Variants in CYP4F2 observed in about 807,000 individuals in gnomAD.
The protein encoded by CYP4F2 is cytochrome P450 4F2.
CYP4F2 carries 58 observed loss-of-function variants against 58.9 expected under a neutral mutation model. The ratio of observed to expected loss-of-function variants is 0.98; its 90% CI spans 0.80 to 1.23. The LOEUF is 1.23. CYP4F2 is among the 50% of genes most tolerant of loss of function. The pLI is 0.00. For missense variants in CYP4F2, 616 were observed against 685.6 expected (o/e 0.90, Z 1.13); for synonymous variants, 287 against 261.1 (o/e 1.10, Z -0.95).
At chr19:15,890,246 C>A in intron 6 of CYP4F2, 66 bp downstream of exon 6, 4 of 1,611,324 alleles carry the variant, frequency 2.5e-6, no homozygotes, top group Non-Finnish European at 3.4e-6. Flanking sequence ...CTGCTTAGTC[C>A]TCCCTCTCCC....
chr19:15,886,808 T>C (rs909040815), intron 7 of CYP4F2, among the ~76,000 whole-genome samples: 7 of 152,218 alleles, frequency 4.6e-5, no homozygotes, highest in African/African-American at 1.7e-4. Context: ...GCTACCATTC[T>C]CACTCAATCT....
intron 5 of CYP4F2, 79 bp downstream of exon 5, chr19:15,892,230 G>A (rs1283697196): frequency 1.3e-6 from 2 of 1,591,950 alleles, no homozygotes; most frequent in Admixed American, 1.7e-5. Flanking sequence ...ACCCAGCAGA[G>A]CCAAAACTCC....
intron 3 of CYP4F2, chr19:15,893,767 T>C (rs974864961): frequency 4.2e-6 from 1 of 240,268 alleles, no homozygotes; most frequent in Non-Finnish European, 9.3e-6. Context: ...TTGATGCACG[T>C]GGGGAGAAAG....
At chr19:15,894,485 G>A (rs1250601365) in intron 3 of CYP4F2, among the ~76,000 whole-genome samples, 1 of 152,188 alleles carries the variant, frequency 6.6e-6, no homozygotes, top group Non-Finnish European at 1.5e-5. Flanking sequence ...GATAGGAAAA[G>A]CGACATGGAG....
Position 15,892,597 on chromosome 19 carries a change from G to A in CYP4F2, c.344-15C>T. 6.2e-7 allele frequency: 1 copy of A among 1,612,486 alleles called. No homozygotes were observed. The highest frequency in any genetic ancestry group is 1.1e-5 in the South Asian group (1 of 90,740). The stretch of plus-strand genomic sequence containing the variant: ...TGCAATGGCAGCTGACATAAATGAG[G>A]ACAATCAGGGGCCATGGAGGCAGGT... On this transcript the variant is annotated splice_polypyrimidine_tract_variant and intron_variant, in intron 3 of 12. Coordinates refer to ENST00000221700, the MANE Select transcript of CYP4F2 (RefSeq NM_001082.5).
rs1391322305 is a variant in CYP4F2, at chr19:15,886,148, G to A, written c.985+94C>T. 3.1e-6 allele frequency: 5 copies of A among 1,606,370 alleles called. No individual in the cohort carries two copies. In the African/African-American group the frequency reaches 6.7e-5, roughly 21 times the overall value. Reference sequence around the variant, plus strand: ...ATTGAGGGCCTCAGGGAGGATGGGGGAAGGGGGATGGGAAGGTTGTGGGGG... The same window carrying A: ...ATTGAGGGCCTCAGGGAGGATGGGGAAAGGGGGATGGGAAGGTTGTGGGGG... On this transcript the variant is annotated intron_variant, in intron 8 of 12. Transcript: ENST00000221700.
chr19:15,889,759 A>G, intron 6 of CYP4F2, 66 bp from the exon 7 acceptor site: 26 of 1,583,310 alleles, frequency 1.6e-5, no homozygotes, highest in Non-Finnish European at 2.1e-5. Context: ...ATCACCTCCC[A>G]CCAGCAGCCA....
chr19:15,884,388 G>T (rs2089363156), intron 9 of CYP4F2, among the ~76,000 whole-genome samples: 1 of 152,194 alleles, frequency 6.6e-6, no homozygotes, highest in African/African-American at 2.4e-5. Flanking sequence ...TAAGAGGTTT[G>T]ATAGGAGAAA....
chr19:15,890,971 T>A (rs1046368734), intron 5 of CYP4F2, among the ~76,000 whole-genome samples: 2 of 152,192 alleles, frequency 1.3e-5, no homozygotes, highest in African/African-American at 4.8e-5. Flanking sequence ...TGGCATATGG[T>A]ATGTGATCAA....
At position 15,889,470 on chromosome 19, in the gene CYP4F2, C is replaced by T. The variant is rs1337112263; in HGVS notation, c.871G>A (p.Ala291Thr). Residue 291 changes from alanine to threonine, a missense_variant, in exon 7 of 13, where the codon GCC becomes ACC. Ala to Thr is a moderately conservative substitution (Grantham distance 58, BLOSUM62 0). Coordinates refer to ENST00000221700, the MANE Select transcript of CYP4F2 (RefSeq NM_001082.5). Reference protein sequence around the residue: ...QGVDDFLQAKAKSKTLDFIDV... With the variant: ...QGVDDFLQAKTKSKTLDFIDV... The stretch of plus-strand genomic sequence containing the variant: ...ATGAAGTCCAAAGTCTTGGATTTGG[C>T]CTTGGCTTGGAGGAAGTCATCAACA... The T allele has an allele frequency of 2.5e-6, 4 of 1,614,146 alleles. No homozygotes were observed. The East Asian group carries it at 6.7e-5, about 27-fold the overall frequency.
intron 3 of CYP4F2, 62 bp from the exon 4 acceptor site, chr19:15,892,644 G>T (rs2089423891): frequency 6.3e-7 from 1 of 1,584,384 alleles, no homozygotes; most frequent in South Asian, 1.2e-5. Flanking sequence ...TTTGGGGGTG[G>T]GTGGAGGCTC....
chr19:15,893,478 C>A (rs1012106104), intron 3 of CYP4F2, among the ~76,000 whole-genome samples: 1 of 152,280 alleles, frequency 6.6e-6, no homozygotes, highest in Non-Finnish European at 1.5e-5. Flanking sequence ...CAGATGTAAC[C>A]AGGTATAACA....
At chr19:15,896,462 GCT>G (rs1306277982) in intron 2 of CYP4F2, among the ~76,000 whole-genome samples, 2 of 152,204 alleles carry the variant, frequency 1.3e-5, no homozygotes, top group African/African-American at 4.8e-5. Flanking sequence ...CCCAGAGGCA[GCT>G]ATATGGGGAG....
chr19:15,879,563 G>A (rs770680563), intron 11 of CYP4F2, 41 bp downstream of exon 11: 14 of 1,612,566 alleles, frequency 8.7e-6, no homozygotes, highest in Non-Finnish European at 1.1e-5. Context: ...CCTCCTCTAG[G>A]AGCCTTGGAA....
chr19:15,893,273 C>T lies in CYP4F2; in HGVS notation c.344-691G>A, dbSNP rs1399437175. ...ATGTCTCAGACAGTTCACATAGGGACCCTGGGTCCCAGACCTCACACAACC... is the reference window on the plus strand; with the variant it reads ...ATGTCTCAGACAGTTCACATAGGGATCCTGGGTCCCAGACCTCACACAACC... On this transcript the variant is annotated intron_variant, in intron 3 of 12. Coordinates refer to ENST00000221700, the MANE Select transcript of CYP4F2 (RefSeq NM_001082.5). 4.0e-5 allele frequency among the ~76,000 whole-genome samples: 6 copies of T among 150,566 alleles called. No homozygotes were observed. The South Asian group carries it at 1.0e-3, about 26-fold the overall frequency.
rs1257348306 is a variant in CYP4F2, at chr19:15,889,641, T to C, written c.700A>G (p.Lys234Glu). The C allele has an allele frequency of 6.2e-6, 10 of 1,614,166 alleles. No homozygotes were observed. Among genetic ancestry groups the C allele is most frequent in the Non-Finnish European group, 8.5e-6 (10 of 1,180,026 alleles). ...AILELSALVS[K>E]RHHEILLHID... ...TGCAGGAGGATCTCATGGTGTCTTT[T>C]TGATACAAGGGCACTGAGCTCCAAG... The change falls in exon 7 of 13, where the codon AAA becomes GAA. Residue 234 changes from lysine to glutamate, a missense_variant. Lys to Glu is a moderately conservative substitution (Grantham distance 56). Transcript: ENST00000221700.
At chr19:15,892,029 G>A (rs934043635) in intron 5 of CYP4F2, among the ~76,000 whole-genome samples, 1 of 152,168 alleles carries the variant, frequency 6.6e-6, no homozygotes, top group African/African-American at 2.4e-5. Context: ...TGAAATTGTT[G>A]TCATGACCCT....
intron 9 of CYP4F2, among the ~76,000 whole-genome samples, chr19:15,885,345 G>T (rs1198564383): frequency 1.3e-5 from 2 of 152,156 alleles, no homozygotes; most frequent in Admixed American, 6.5e-5. Context: ...CCACCACCAG[G>T]CTGGGAGCAC....
intron 12 of CYP4F2, 49 bp downstream of exon 12, chr19:15,879,297 C>T: frequency 6.2e-7 from 1 of 1,603,120 alleles, no homozygotes; most frequent in Non-Finnish European, 8.5e-7. Flanking sequence ...CATGCCCAGA[C>T]CCCTGCACCC....
Sources: gnomAD v4.1 joint callset for allele counts (sites outside exome capture counted in the v4.1 genomes callset) on GRCh38, gnomAD v4.1.1 for gene constraint, MANE v1.5 for transcripts, NCBI Gene and HGNC (gene_info 2026-07-23, HGNC 2026-07-21) for gene names.